NALCN: variants seen among roughly 807,000 people sequenced by gnomAD.
The protein encoded by NALCN is sodium leak channel NALCN.
In NALCN, 111 loss-of-function variants were observed where a neutral mutation model predicts 225.3. The ratio of observed to expected loss-of-function variants is 0.49; its 90% confidence interval spans 0.42 to 0.58. The LOEUF (loss-of-function observed/expected upper bound fraction) is 0.58. Among genes scored for constraint, NALCN ranks in the 20% least tolerant of loss-of-function variants. The pLI, the probability that NALCN is intolerant of heterozygous loss-of-function variation, is 0.00. For synonymous variants in NALCN, 764 were observed against 769.0 expected (o/e 0.99, Z 0.11); for missense variants, 1,378 against 2,202.4 (o/e 0.63, Z 7.49).
At chr13:101,313,198 C>T (rs1001142869) in intron 7 of NALCN, among the ~76,000 whole-genome samples, 8 of 152,194 alleles carry the variant, frequency 5.3e-5, no homozygotes, top group African/African-American at 1.9e-4. Flanking sequence ...GGATTAAAGA[C>T]TTACGTGTTA....
chr13:101,344,092 T>C (rs1288826201), intron 7 of NALCN, among the ~76,000 whole-genome samples: 1 of 151,756 alleles, frequency 6.6e-6, no homozygotes, highest in Non-Finnish European at 1.5e-5. Context: ...GCACAGCCTA[T>C]CAGCCTATAT....
At chr13:101,309,691 C>T (rs1455011995) in intron 7 of NALCN, among the ~76,000 whole-genome samples, 2 of 152,174 alleles carry the variant, frequency 1.3e-5, no homozygotes, top group African/African-American at 4.8e-5. Flanking sequence ...ATATTTTCAT[C>T]TCAGCCATTG....
chr13:101,326,358 A>G (rs981044634), intron 7 of NALCN, among the ~76,000 whole-genome samples: 1 of 152,180 alleles, frequency 6.6e-6, no homozygotes, highest in African/African-American at 2.4e-5. Context: ...TGAATGAATA[A>G]ACTTAAAACA....
At chr13:101,096,042 C>A (rs1171201626) in intron 27 of NALCN, among the ~76,000 whole-genome samples, 1 of 151,984 alleles carries the variant, frequency 6.6e-6, no homozygotes, top group Non-Finnish European at 1.5e-5. Flanking sequence ...AAAGCCATAA[C>A]CAAAAAGTCA....
At chr13:101,244,417 TG>T (rs1005061738) in intron 11 of NALCN, among the ~76,000 whole-genome samples, 5 of 152,220 alleles carry the variant, frequency 3.3e-5, no homozygotes, top group African/African-American at 1.2e-4. Flanking sequence ...GATATTCTTT[TG>T]AAAGACACTA....
At position 101,399,154 on chromosome 13, in the gene NALCN, C is replaced by G; in HGVS notation, c.-28G>C. On this transcript the variant is annotated 5_prime_UTR_variant, in exon 2 of 44. Transcript: ENST00000251127. The stretch of plus-strand genomic sequence containing the variant: ...TGAGGTTAGCTTTGGTGAGCAAGCA[C>G]AAAACCACAGTCTGGGAAAAGGAAA... The G allele has an allele frequency of 6.2e-7, 1 of 1,611,756 alleles. No individual in the cohort carries two copies.
chr13:101,144,401 T>A (rs2037240605), intron 16 of NALCN, among the ~76,000 whole-genome samples: 1 of 152,208 alleles, frequency 6.6e-6, no homozygotes, highest in South Asian at 2.1e-4. Context: ...TTTAGTCTCA[T>A]ACGGTTGGGG....
Position 101,179,246 on chromosome 13 carries a change from C to T in NALCN, c.1765-2872G>A, listed in dbSNP as rs72652914. Among the ~76,000 whole-genome samples, 460 of 152,298 alleles carry T rather than the reference C, an allele frequency of 3.0e-3. 2 individuals carry two copies. Among genetic ancestry groups the T allele is most frequent in the Non-Finnish European group, 5.1e-3 (344 of 68,032 alleles). On this transcript the variant is annotated intron_variant, in intron 14 of 43. Coordinates refer to ENST00000251127, the MANE Select transcript of NALCN (RefSeq NM_052867.4). ...ATGAGCCACGTGGCAACTGCCAGCC[C>T]ACAGTGAGTTTCGGTGCTCTCGTTT... is the stretch of plus-strand genomic sequence containing the variant.
intron 12 of NALCN, among the ~76,000 whole-genome samples, chr13:101,236,066 T>G: frequency 6.6e-6 from 1 of 152,160 alleles, no homozygotes; most frequent in Non-Finnish European, 1.5e-5. Flanking sequence ...TCAATGCACA[T>G]TCTAGTGTTT....
At chr13:101,069,881 T>C (rs989150334) in intron 37 of NALCN, among the ~76,000 whole-genome samples, 1 of 152,110 alleles carries the variant, frequency 6.6e-6, no homozygotes, top group Non-Finnish European at 1.5e-5. Flanking sequence ...AGCAATTCAG[T>C]CGCGTCTTCA....
intron 17 of NALCN, among the ~76,000 whole-genome samples, chr13:101,141,443 A>G (rs1020550977): frequency 2.6e-5 from 4 of 152,214 alleles, no homozygotes; most frequent in Non-Finnish European, 5.9e-5. Flanking sequence ...ATAGTAGAAT[A>G]GCATCTCTAG....
At chr13:101,278,719 T>C (rs182783940) in intron 10 of NALCN, among the ~76,000 whole-genome samples, 26 of 152,220 alleles carry the variant, frequency 1.7e-4, no homozygotes, top group Admixed American at 5.9e-4. Flanking sequence ...AGAGGAGACA[T>C]CCTGGCAAAA....
chr13:101,161,181 C>A (rs2038166243), intron 15 of NALCN, among the ~76,000 whole-genome samples: 2 of 152,150 alleles, frequency 1.3e-5, no homozygotes, highest in Admixed American at 6.5e-5. Flanking sequence ...TAGAACAGCA[C>A]CTGAATAAAT....
intron 30 of NALCN, among the ~76,000 whole-genome samples, chr13:101,086,844 C>G (rs1594174412): frequency 6.6e-6 from 1 of 152,058 alleles, no homozygotes; most frequent in East Asian, 1.9e-4. Context: ...ATCATTTATT[C>G]CCAATAATAG....
chr13:101,209,705 A>G (rs1459847144), intron 13 of NALCN, among the ~76,000 whole-genome samples: 3 of 152,164 alleles, frequency 2.0e-5, no homozygotes, highest in Admixed American at 6.5e-5. Flanking sequence ...GCTCTTCAAG[A>G]GAGTGTTGCC....
At chr13:101,073,107 T>C (rs1173641681) in intron 37 of NALCN, among the ~76,000 whole-genome samples, 1 of 152,158 alleles carries the variant, frequency 6.6e-6, no homozygotes, top group African/African-American at 2.4e-5. Context: ...AGGATGATGC[T>C]TGGGGAAGAC....
chr13:101,097,171 A>C (rs1363666422), intron 27 of NALCN, among the ~76,000 whole-genome samples: 1 of 152,216 alleles, frequency 6.6e-6, no homozygotes. Context: ...CAAATAACAC[A>C]TCTTTAATTT....
At chr13:101,061,581 A>T (rs916339954) in intron 41 of NALCN, among the ~76,000 whole-genome samples, 1 of 152,162 alleles carries the variant, frequency 6.6e-6, no homozygotes, top group African/African-American at 2.4e-5. Context: ...GGGTTTTGCC[A>T]TGTTGGCAGG....
chr13:101,238,408 A>G (rs2140158379), intron 11 of NALCN, among the ~76,000 whole-genome samples: 1 of 152,042 alleles, frequency 6.6e-6, no homozygotes, highest in South Asian at 2.1e-4. Context: ...AGAAATTGAG[A>G]TTTCATACCA....
Sources: allele counts gnomAD v4.1 joint callset (sites outside exome capture counted in the v4.1 genomes callset), GRCh38; gene constraint gnomAD v4.1.1; transcripts MANE v1.5; gene names NCBI Gene and HGNC (gene_info 2026-07-23, HGNC 2026-07-21).